Variants in METTL6 observed in about 807,000 individuals in gnomAD.
METTL6 encodes the protein methyltransferase 6, tRNA N3-cytidine, also known as tRNA N(3)-cytidine methyltransferase METTL6.
A neutral mutation model predicts 26.4 loss-of-function variants in METTL6; 22 were observed. The observed-to-expected ratio is 0.83, with a 90% CI of 0.59 to 1.19. METTL6 has a LOEUF of 1.19. Ranked by LOEUF, METTL6 falls within the 50% of genes most tolerant of loss-of-function variation. The pLI is 0.00. For missense variants in METTL6, 304 were observed against 324.8 expected (o/e 0.94, Z 0.49); for synonymous variants, 109 against 116.2 (o/e 0.94, Z 0.40).
At chr3:15,395,074 T>C (rs1699451404) in intron 6 of METTL6, among the ~76,000 whole-genome samples, 1 of 152,214 alleles carries the variant, frequency 6.6e-6, no homozygotes, top group African/African-American at 2.4e-5. Context: ...TCTGTCTCGT[T>C]GATCTGTCTA....
At chr3:15,401,118 C>T (rs1699628463) in intron 6 of METTL6, among the ~76,000 whole-genome samples, 1 of 152,026 alleles carries the variant, frequency 6.6e-6, no homozygotes, top group Non-Finnish European at 1.5e-5. Context: ...TGGCTCACTG[C>T]AAGCTCCACC....
rs755817791 is a variant in METTL6 at position 15,412,132 on chromosome 3, A to G, written c.674-695T>C. ...CCGAACAAAAACATAAAAATTGGCT[A>G]TACTCCTACAAGGTCTGCATGTGCT... On this transcript the variant is annotated intron_variant, in intron 5 of 5. Coordinates refer to ENST00000383790, the MANE Select transcript of METTL6 (RefSeq NM_152396.4). Among the ~76,000 whole-genome samples the G allele has an allele frequency of 3.3e-5, 5 of 152,216 alleles. 1 individual carries two copies. The South Asian group carries it at 1.0e-3, about 32-fold the overall frequency.
intron 6 of METTL6, chr3:15,399,533 T>G (rs1699581716): frequency 7.8e-6 from 1 of 127,574 alleles, no homozygotes; most frequent in East Asian, 2.5e-4. Flanking sequence ...GAGAGAGAGT[T>G]CCAGGAGAAA....
chr3:15,392,990 A>G (rs141695752), intron 6 of METTL6, among the ~76,000 whole-genome samples: 3,291 of 152,158 alleles, frequency 0.022, 101 homozygotes, highest in African/African-American at 0.072. Context: ...GCTCTTTTTT[A>G]GTTCCATATG....
rs1699949409 is a variant in METTL6, at chr3:15,411,174, C to T, written c.*82G>A. On this transcript the variant is annotated 3_prime_UTR_variant, in exon 6 of 6. Transcript: ENST00000383790. ...CCTCCCGAAGTGCTGGGATTACAGG[C>T]ATGAGCCACCGCACCCAGACGAAAG... 6 of 1,464,980 alleles carry T rather than the reference C, an allele frequency of 4.1e-6. No individual in the cohort carries two copies. Among genetic ancestry groups the T allele is most frequent in the Non-Finnish European group, 4.6e-6 (5 of 1,083,936 alleles). 90.7% of individuals were successfully genotyped at this position (1,464,980 alleles called of 1,614,324 possible).
chr3:15,423,859 G>C (rs2061661875), intron 3 of METTL6, among the ~76,000 whole-genome samples: 1 of 152,078 alleles, frequency 6.6e-6, no homozygotes. Context: ...ACTCTAGCCT[G>C]GGTGAGAGTG....
Position 15,426,628 on chromosome 3 carries a change from A to G in METTL6, c.-117T>C. On this transcript the variant is annotated 5_prime_UTR_variant, in exon 2 of 6. Coordinates refer to ENST00000383790, the MANE Select transcript of METTL6 (RefSeq NM_152396.4). ...AGGTGAGTTTCACGCCTCAAACAGCACAGGGGGCTTCGCAGAGAAAAGAAT... is the reference window on the plus strand; with the variant it reads ...AGGTGAGTTTCACGCCTCAAACAGCGCAGGGGGCTTCGCAGAGAAAAGAAT... 1 of 897,496 alleles carries G rather than the reference A, an allele frequency of 1.1e-6. No individual in the cohort carries two copies. Among genetic ancestry groups the G allele is most frequent in the Non-Finnish European group, 1.7e-6 (1 of 581,342 alleles). The allele number at this position is 897,496 out of a possible 1,614,324, so 55.6% of individuals were successfully genotyped here.
intron 6 of METTL6, among the ~76,000 whole-genome samples, chr3:15,395,291 A>G (rs1699456683): frequency 6.6e-6 from 1 of 151,942 alleles, no homozygotes; most frequent in Non-Finnish European, 1.5e-5. Flanking sequence ...GTTGGTTTAA[A>G]GTTTGTTTTA....
rs563280249 is a variant in METTL6 at position 15,411,350 on chromosome 3, C to T, written c.761G>A (p.Gly254Asp). 17 of 1,614,194 alleles carry T rather than the reference C, an allele frequency of 1.1e-5. No homozygotes were observed. The highest frequency in any genetic ancestry group is 3.3e-5 in the Admixed American group (2 of 60,020). ...AAGGAAAACTCTTGGCACACACAGGCCTTCTTTTTTATTCACCGTCTCTCG... is the reference window on the plus strand; with the variant it reads ...AAGGAAAACTCTTGGCACACACAGGTCTTCTTTTTTATTCACCGTCTCTCG... Reference protein sequence around the residue: ...VFRETVNKKEGLCVPRVFLQS... With the variant: ...VFRETVNKKEDLCVPRVFLQS... The change falls in exon 6 of 6, where the codon GGC becomes GAC. Residue 254 changes from glycine (G) to aspartate (D), a missense_variant. Physicochemically the swap from Gly to Asp is moderately conservative, Grantham distance 94. Coordinates refer to ENST00000383790, the MANE Select transcript of METTL6 (RefSeq NM_152396.4).
intron 6 of METTL6, among the ~76,000 whole-genome samples, chr3:15,395,845 A>G (rs1699472845): frequency 6.6e-6 from 1 of 152,124 alleles, no homozygotes; most frequent in South Asian, 2.1e-4. Flanking sequence ...TGGCTTGTAG[A>G]GTTTCTGCTG....
intron 6 of METTL6, chr3:15,399,543 A>AG: frequency 3.0e-5 from 2 of 67,406 alleles, no homozygotes; most frequent in South Asian, 7.9e-4. Flanking sequence ...TCCAGGAGAA[A>AG]TTGTGTGTGT....
intron 1 of METTL6, among the ~76,000 whole-genome samples, chr3:15,426,920 G>C (rs2061738430): frequency 6.6e-6 from 1 of 152,226 alleles, no homozygotes; most frequent in African/African-American, 2.4e-5. Context: ...AACTGACTGG[G>C]AAACCTTGCG....
At chr3:15,388,087 GTTTTGT>G (rs917214342) in intron 6 of METTL6, among the ~76,000 whole-genome samples, 2 of 123,664 alleles carry the variant, frequency 1.6e-5, no homozygotes, top group Admixed American at 8.2e-5. Flanking sequence ...GGAAATAAGA[GTTTTGT>G]TGTTGTTGTT....
intron 3 of METTL6, among the ~76,000 whole-genome samples, chr3:15,419,090 C>T (rs544348297): frequency 2.7e-4 from 41 of 151,820 alleles, no homozygotes; most frequent in Non-Finnish European, 5.2e-4. Context: ...TCCACAAGGT[C>T]GAGGCTGCAG....
chr3:15,416,463 C>T (rs1392478006), intron 3 of METTL6, among the ~76,000 whole-genome samples: 2 of 152,148 alleles, frequency 1.3e-5, no homozygotes, highest in Non-Finnish European at 1.5e-5. Context: ...CTATGTTGTA[C>T]AGGCTAGTCT....
intron 3 of METTL6, among the ~76,000 whole-genome samples, chr3:15,423,471 A>G (rs2061650740): frequency 6.6e-6 from 1 of 152,234 alleles, no homozygotes; most frequent in African/African-American, 2.4e-5. Flanking sequence ...AGCTATAGGC[A>G]GGGTGTAATC....
intron 6 of METTL6, among the ~76,000 whole-genome samples, chr3:15,402,612 T>C (rs1473617143): frequency 6.6e-6 from 1 of 151,376 alleles, no homozygotes; most frequent in African/African-American, 2.4e-5. Flanking sequence ...CACACACCTG[T>C]AATCCCAGCT....
At chr3:15,389,991 G>C (rs1041894877) in intron 6 of METTL6, among the ~76,000 whole-genome samples, 2 of 151,650 alleles carry the variant, frequency 1.3e-5, no homozygotes, top group African/African-American at 2.4e-5. Context: ...TGCCTTACTG[G>C]GTGACACAGT....
chr3:15,386,832 C>G (rs1699213697), intron 6 of METTL6, among the ~76,000 whole-genome samples: 1 of 151,648 alleles, frequency 6.6e-6, no homozygotes, highest in African/African-American at 2.4e-5. Flanking sequence ...TCACTCTTGT[C>G]ACTCAGGCTG....
Sources: gnomAD v4.1 joint callset for allele counts (sites outside exome capture counted in the v4.1 genomes callset) on GRCh38, gnomAD v4.1.1 for gene constraint, MANE v1.5 for transcripts, NCBI Gene and HGNC (gene_info 2026-07-23, HGNC 2026-07-21) for gene names.